ANXA8: variants seen among roughly 807,000 people sequenced by gnomAD.
The protein encoded by ANXA8 is annexin A8.
A neutral mutation model predicts 26.8 loss-of-function variants in ANXA8; 9 were observed. The ratio of observed to expected loss-of-function variants is 0.34; its 90% CI spans 0.20 to 0.59. ANXA8 has a LOEUF of 0.59. ANXA8 is among the 20% of genes least tolerant of loss of function. The probability of loss-of-function intolerance (pLI) is 0.84; values close to 1 mark genes in which losing one functional copy is unlikely to be tolerated. For synonymous variants in ANXA8, 39 were observed against 94.8 expected, an observed-to-expected ratio of 0.41 and a Z score of 3.42; for missense variants, 83 against 238.5, an observed-to-expected ratio of 0.35 and a Z score of 4.29.
chr10:47,622,832 G>A, the ANXA8 span, among the ~76,000 whole-genome samples: 9 of 111,904 alleles, frequency 8.0e-5, 2 homozygotes, highest in South Asian at 1.1e-3. Context: ...ACAAAATTAC[G>A]GTAGATTTCT....
At chr10:47,594,197 C>T in the ANXA8 span, among the ~76,000 whole-genome samples, 1 of 150,818 alleles carries the variant, frequency 6.6e-6, no homozygotes, top group Non-Finnish European at 1.5e-5. Flanking sequence ...GTCAATGATC[C>T]TTAATAAACT....
At chr10:47,522,235 G>A in the ANXA8 span, among the ~76,000 whole-genome samples, 26 of 142,104 alleles carry the variant, frequency 1.8e-4, 3 homozygotes, top group Non-Finnish European at 2.9e-4. Flanking sequence ...CTACGTTGAC[G>A]TTTCATGTCT....
the ANXA8 span, among the ~76,000 whole-genome samples, chr10:47,681,455 G>T: frequency 6.7e-6 from 1 of 150,296 alleles, no homozygotes; most frequent in Non-Finnish European, 1.5e-5. Context: ...GGGTTGGCAG[G>T]CATACCCCTG....
the ANXA8 span, among the ~76,000 whole-genome samples, chr10:47,707,716 A>C: frequency 7.6e-5 from 8 of 104,756 alleles, no homozygotes. Context: ...AAAGTCAAAA[A>C]ACGACAGATG....
At chr10:47,768,171 G>T in the ANXA8 span, among the ~76,000 whole-genome samples, 70 of 151,428 alleles carry the variant, frequency 4.6e-4, 1 homozygote, top group Non-Finnish European at 9.6e-4. Flanking sequence ...TTAGGGATGG[G>T]ATCTTTTCAG....
At chr10:47,485,747 G>C (rs1840028158), upstream of ANXA8, among the ~76,000 whole-genome samples, 1 of 151,832 alleles carries the variant, frequency 6.6e-6, no homozygotes, top group African/African-American at 2.4e-5. Flanking sequence ...TCATGAGAAG[G>C]AGAGAGGGCC....
At chr10:47,985,356 G>T in the ANXA8 span, among the ~76,000 whole-genome samples, 9 of 138,830 alleles carry the variant, frequency 6.5e-5, 1 homozygote, top group Admixed American at 6.5e-4. Context: ...TCCCTTGCTT[G>T]TGAGAATATA....
At chr10:47,581,618 T>C in the ANXA8 span, 8 of 441,626 alleles carry the variant, frequency 1.8e-5, no homozygotes, top group South Asian at 1.5e-4. Context: ...CATTTCTTTT[T>C]TTTTTTGAGA....
chr10:47,676,938 A>G, the ANXA8 span, among the ~76,000 whole-genome samples: 1 of 147,530 alleles, frequency 6.8e-6, no homozygotes, highest in East Asian at 2.0e-4. Flanking sequence ...GAAAGAAAAG[A>G]AAAGGAAAAA....
chr10:47,677,321 A>G, the ANXA8 span, among the ~76,000 whole-genome samples: 4 of 152,132 alleles, frequency 2.6e-5, no homozygotes, highest in African/African-American at 9.7e-5. Context: ...AAACAGGGAT[A>G]CCATAAAGTC....
chr10:47,653,454 G>A, the ANXA8 span, among the ~76,000 whole-genome samples: 1 of 151,648 alleles, frequency 6.6e-6, no homozygotes, highest in Non-Finnish European at 1.5e-5. Flanking sequence ...GAGAGGCGAG[G>A]AAAAGTAAGT....
chr10:47,679,384 G>C, the ANXA8 span, among the ~76,000 whole-genome samples: 3 of 152,286 alleles, frequency 2.0e-5, no homozygotes, highest in East Asian at 5.8e-4. Flanking sequence ...TTGGGATGCT[G>C]AGGCCCGGAG....
chr10:47,502,178 C>T, the ANXA8 span: 16 of 1,547,668 alleles, frequency 1.0e-5, 5 homozygotes, highest in East Asian at 2.5e-4. Flanking sequence ...GTGGGCATCT[C>T]GGGCCATGAC....
chr10:47,679,613 CA>C, the ANXA8 span, among the ~76,000 whole-genome samples: 1 of 151,544 alleles, frequency 6.6e-6, no homozygotes, highest in Non-Finnish European at 1.5e-5. Context: ...GATCCTGTCT[CA>C]AAACAAAACA....
chr10:47,664,690 A>G, the ANXA8 span, among the ~76,000 whole-genome samples: 106 of 150,302 alleles, frequency 7.1e-4, no homozygotes, highest in Admixed American at 1.5e-3. Context: ...ATCTAAATAC[A>G]GGTAGCTGCA....
chr10:47,487,774 G>GGT (rs1840073040), upstream of ANXA8, among the ~76,000 whole-genome samples: 1 of 134,800 alleles, frequency 7.4e-6, no homozygotes, highest in African/African-American at 2.8e-5. Flanking sequence ...GGTTTATAGT[G>GGT]TTTTTTTTTT....
the ANXA8 span, among the ~76,000 whole-genome samples, chr10:47,656,954 C>G: frequency 6.0e-5 from 9 of 150,514 alleles, no homozygotes; most frequent in African/African-American, 2.2e-4. Context: ...TCAGTTTACA[C>G]TGGTGACTAC....
At chr10:47,522,492 T>C in the ANXA8 span, among the ~76,000 whole-genome samples, 1 of 150,750 alleles carries the variant, frequency 6.6e-6, no homozygotes, top group African/African-American at 2.5e-5. Flanking sequence ...TCTCCTTTTT[T>C]CTTTTTCCTT....
the ANXA8 span, among the ~76,000 whole-genome samples, chr10:47,984,823 G>A: frequency 7.2e-6 from 1 of 139,282 alleles, no homozygotes; most frequent in Non-Finnish European, 1.5e-5. Context: ...CTTAGTTTAA[G>A]CATTCACTTA....
Sources: allele counts gnomAD v4.1 joint callset (sites outside exome capture counted in the v4.1 genomes callset), GRCh38; gene constraint gnomAD v4.1.1; transcripts MANE v1.5; gene names NCBI Gene and HGNC (gene_info 2026-07-23, HGNC 2026-07-21).